The following KCNH8 variants were observed in gnomAD, a reference collection of about 807,000 sequenced individuals.
KCNH8 encodes voltage-gated delayed rectifier potassium channel KCNH8.
Under a neutral mutation model 103.6 loss-of-function variants are expected in KCNH8, and 70 were observed. The ratio of observed to expected loss-of-function variants is 0.68; its 90% confidence interval spans 0.56 to 0.82. The LOEUF (loss-of-function observed/expected upper bound fraction) is 0.82, where lower values mean the gene tolerates loss of function less well. Ranked by LOEUF, KCNH8 falls within the 40% of genes least tolerant of loss-of-function variation. The pLI, the probability that KCNH8 is intolerant of heterozygous loss-of-function variation, is 0.00. For missense variants in KCNH8, 1,217 were observed against 1,329.9 expected (o/e 0.92, Z 1.32); for synonymous variants, 498 against 489.4 (o/e 1.02, Z -0.23).
chr3:19,287,574 TG>T (rs1196164615), intron 3 of KCNH8, among the ~76,000 whole-genome samples: 4 of 146,162 alleles, frequency 2.7e-5, no homozygotes, highest in African/African-American at 1.1e-4. Flanking sequence ...GTCCACTTTT[TG>T]TTGTTGTTGT....
chr3:19,360,314 G>A (rs2125328645), intron 5 of KCNH8, among the ~76,000 whole-genome samples: 1 of 152,190 alleles, frequency 6.6e-6, no homozygotes, highest in Non-Finnish European at 1.5e-5. Context: ...ATCAAGTGTG[G>A]TGGATGGGTG....
chr3:19,469,452 G>GT (rs1419361314), intron 11 of KCNH8, among the ~76,000 whole-genome samples: 2 of 151,644 alleles, frequency 1.3e-5, no homozygotes, highest in Admixed American at 6.6e-5. Context: ...TTTGTTTTTT[G>GT]TTTTTGAGAT....
rs765663279 is a variant in KCNH8 at position 19,515,342 on chromosome 3, A to G, written c.2456A>G (p.Asp819Gly). ...AGTAGGATTGTTGATGGAATTGAAG[A>G]TGGAAACAGCAGTGAAGAAAGTCAG... ...LSPRIVDGIE[D>G]GNSSEESQTF... The change falls in exon 14 of 16, where the codon GAT (aspartate) becomes GGT (glycine). Residue 819 changes from aspartate (D) to glycine (G), a missense_variant. Physicochemically the swap from Asp to Gly is moderately conservative, Grantham distance 94. Coordinates refer to ENST00000328405, the MANE Select transcript of KCNH8 (RefSeq NM_144633.3). 1 of 1,594,334 alleles carries G rather than the reference A, an allele frequency of 6.3e-7. No individual in the cohort carries two copies. The highest frequency in any genetic ancestry group is 8.5e-7 in the Non-Finnish European group (1 of 1,169,760).
intron 11 of KCNH8, among the ~76,000 whole-genome samples, chr3:19,497,315 T>C (rs993025750): frequency 6.6e-6 from 1 of 152,214 alleles, no homozygotes; most frequent in African/African-American, 2.4e-5. Context: ...CTTGCTTCTC[T>C]AGTTCCTCTA....
chr3:19,480,397 G>T (rs531276416), intron 11 of KCNH8, among the ~76,000 whole-genome samples: 1 of 152,296 alleles, frequency 6.6e-6, no homozygotes, highest in South Asian at 2.1e-4. Context: ...AGTATCTTCT[G>T]TCAGGATTCA....
intron 3 of KCNH8, among the ~76,000 whole-genome samples, chr3:19,326,038 CATT>C (rs1421971251): frequency 6.6e-6 from 1 of 152,100 alleles, no homozygotes; most frequent in Non-Finnish European, 1.5e-5. Flanking sequence ...TTTGCAGGGA[CATT>C]GTTGAGGCTG....
At chr3:19,270,936 ATTTGTCTAACCT>A (rs1308655019) in intron 2 of KCNH8, among the ~76,000 whole-genome samples, 2 of 152,202 alleles carry the variant, frequency 1.3e-5, no homozygotes, top group Non-Finnish European at 2.9e-5. Flanking sequence ...ATTTCACTGC[ATTTGTCTAACCT>A]TTTAGACACA....
intron 1 of KCNH8, among the ~76,000 whole-genome samples, chr3:19,160,735 T>TATACCACTCC (rs1378460586): frequency 6.6e-6 from 1 of 152,148 alleles, no homozygotes; most frequent in African/African-American, 2.4e-5. Context: ...TATCTCACGC[T>TATACCACTCC]ATCCCACTCC....
intron 11 of KCNH8, among the ~76,000 whole-genome samples, chr3:19,461,198 A>G (rs1443058830): frequency 6.6e-6 from 1 of 152,184 alleles, no homozygotes; most frequent in African/African-American, 2.4e-5. Flanking sequence ...TATGAGTTAC[A>G]TTTTAAAGGC....
chr3:19,195,372 G>T (rs1434893992), intron 1 of KCNH8, among the ~76,000 whole-genome samples: 1 of 151,764 alleles, frequency 6.6e-6, no homozygotes, highest in East Asian at 1.9e-4. Flanking sequence ...CTTGGCCCTG[G>T]TATCATAGGC....
intron 7 of KCNH8, among the ~76,000 whole-genome samples, chr3:19,435,820 C>T (rs1278943577): frequency 6.6e-6 from 1 of 152,050 alleles, no homozygotes; most frequent in Non-Finnish European, 1.5e-5. Flanking sequence ...TTATATTGAA[C>T]CTAAAACATG....
intron 11 of KCNH8, among the ~76,000 whole-genome samples, chr3:19,509,559 G>C (rs2068749110): frequency 1.3e-5 from 2 of 152,084 alleles, no homozygotes; most frequent in South Asian, 4.1e-4. Flanking sequence ...TTCCTCTATA[G>C]TGCCATAGTT....
At chr3:19,265,346 A>C (rs2064492893) in intron 2 of KCNH8, among the ~76,000 whole-genome samples, 1 of 152,108 alleles carries the variant, frequency 6.6e-6, no homozygotes, top group South Asian at 2.1e-4. Flanking sequence ...AAGTTGCTAA[A>C]AATTTCAAGA....
chr3:19,447,609 A>T (rs770621228), intron 8 of KCNH8, among the ~76,000 whole-genome samples: 1 of 152,068 alleles, frequency 6.6e-6, no homozygotes, highest in African/African-American at 2.4e-5. Flanking sequence ...TAGGGCTTCC[A>T]AACACTTAGC....
chr3:19,176,696 T>C (rs183497638), intron 1 of KCNH8, among the ~76,000 whole-genome samples: 1 of 152,298 alleles, frequency 6.6e-6, no homozygotes, highest in Admixed American at 6.5e-5. Flanking sequence ...TTTTGATTGT[T>C]TAATTTCATA....
chr3:19,260,487 GATATAT>G (rs57661437), intron 2 of KCNH8, among the ~76,000 whole-genome samples: 8,666 of 39,672 alleles, frequency 0.22, 832 homozygotes, highest in Non-Finnish European at 0.31. Flanking sequence ...TACTCTATAG[GATATAT>G]ATATATATAT....
chr3:19,383,489 A>T (rs1314850220), intron 5 of KCNH8, among the ~76,000 whole-genome samples: 2 of 151,904 alleles, frequency 1.3e-5, no homozygotes, highest in African/African-American at 2.4e-5. Flanking sequence ...CTTCTGCCTC[A>T]GCCTCCCAAG....
chr3:19,447,648 C>T (rs1406693605), intron 8 of KCNH8, among the ~76,000 whole-genome samples: 1 of 151,910 alleles, frequency 6.6e-6, no homozygotes, highest in Non-Finnish European at 1.5e-5. Context: ...TGCCTGAAGT[C>T]GATGTTTAAT....
intron 3 of KCNH8, among the ~76,000 whole-genome samples, chr3:19,318,567 C>G (rs13078049): frequency 0.25 from 37,470 of 151,032 alleles, 5,107 homozygotes; most frequent in African/African-American, 0.33. Context: ...GAATAATGGT[C>G]TCCAATTCCA....
Sources: gnomAD v4.1 joint callset for allele counts (sites outside exome capture counted in the v4.1 genomes callset) on GRCh38, gnomAD v4.1.1 for gene constraint, MANE v1.5 for transcripts, NCBI Gene and HGNC (gene_info 2026-07-23, HGNC 2026-07-21) for gene names.